SMOC1: variants seen among roughly 807,000 people sequenced by gnomAD.
The protein encoded by SMOC1 is SPARC-related modular calcium-binding protein 1.
A neutral mutation model predicts 56.3 loss-of-function variants in SMOC1; 22 were observed. The ratio of observed to expected loss-of-function variants is 0.39; its 90% CI spans 0.28 to 0.56. SMOC1 has a LOEUF of 0.56. SMOC1 is among the 20% of genes least tolerant of loss of function. SMOC1 has a pLI of 0.61. For missense variants in SMOC1, 509 were observed against 565.4 expected (o/e 0.90, Z 1.01); for synonymous variants, 193 against 215.0 (o/e 0.90, Z 0.89).
chr14:69,938,823 T>C (rs1263761473), intron 1 of SMOC1, among the ~76,000 whole-genome samples: 1 of 152,204 alleles, frequency 6.6e-6, no homozygotes, highest in African/African-American at 2.4e-5. Context: ...AGACTTCCAG[T>C]GCTATTGTTT....
At chr14:70,013,286 A>G in intron 9 of SMOC1, 100 bp from the exon 10 acceptor site, 1 of 1,064,740 alleles carries the variant, frequency 9.4e-7, no homozygotes, top group East Asian at 2.5e-5. Context: ...TTGGCTGGAC[A>G]AGAAGGGCTT....
intron 1 of SMOC1, among the ~76,000 whole-genome samples, chr14:69,893,928 A>G (rs1463955042): frequency 2.6e-5 from 4 of 152,202 alleles, no homozygotes; most frequent in African/African-American, 9.7e-5. Context: ...GAACACAGAG[A>G]AAAACTAGGG....
chr14:69,893,988 A>C (rs576537081), intron 1 of SMOC1, among the ~76,000 whole-genome samples: 1 of 152,222 alleles, frequency 6.6e-6, no homozygotes, highest in Non-Finnish European at 1.5e-5. Context: ...TCTTCAAGCT[A>C]AGGAGAGAAG....
intron 7 of SMOC1, among the ~76,000 whole-genome samples, chr14:69,998,161 T>A (rs1884838907): frequency 6.6e-6 from 1 of 152,224 alleles, no homozygotes; most frequent in Admixed American, 6.5e-5. Flanking sequence ...GGCTTTGTCA[T>A]GTGTTCACTA....
At chr14:69,992,060 C>T (rs1467179416) in intron 5 of SMOC1, among the ~76,000 whole-genome samples, 1 of 152,110 alleles carries the variant, frequency 6.6e-6, no homozygotes, top group Non-Finnish European at 1.5e-5. Flanking sequence ...GGCCATAACT[C>T]AGGGCTGAGG....
chr14:69,902,801 G>A (rs1007002500), intron 1 of SMOC1, among the ~76,000 whole-genome samples: 5 of 151,922 alleles, frequency 3.3e-5, no homozygotes, highest in Admixed American at 2.6e-4. Flanking sequence ...ATTTTTTTTG[G>A]TGGAGACGGG....
intron 1 of SMOC1, among the ~76,000 whole-genome samples, chr14:69,900,431 A>G (rs755667674): frequency 9.9e-5 from 15 of 152,224 alleles, no homozygotes; most frequent in Non-Finnish European, 1.8e-4. Context: ...TACAACAGGG[A>G]ACGAGATAGT....
chr14:69,940,631 C>T (rs1016632749), intron 1 of SMOC1, among the ~76,000 whole-genome samples: 22 of 152,146 alleles, frequency 1.4e-4, no homozygotes, highest in African/African-American at 4.3e-4. Context: ...GTCCTCTTTG[C>T]CTTTGCACCC....
At chr14:69,956,785 G>T (rs886860924) in intron 3 of SMOC1, among the ~76,000 whole-genome samples, 1 of 152,096 alleles carries the variant, frequency 6.6e-6, no homozygotes, top group Non-Finnish European at 1.5e-5. Flanking sequence ...GAGTGGTTCA[G>T]CTTTCTTCTA....
chr14:69,908,231 T>C (rs1884462853), intron 1 of SMOC1, among the ~76,000 whole-genome samples: 1 of 152,214 alleles, frequency 6.6e-6, no homozygotes, highest in South Asian at 2.1e-4. Context: ...CACCAAAACG[T>C]TGATCTGGGT....
intron 3 of SMOC1, among the ~76,000 whole-genome samples, chr14:69,973,523 A>G (rs1883850147): frequency 6.6e-6 from 1 of 152,140 alleles, no homozygotes; most frequent in Admixed American, 6.5e-5. Flanking sequence ...TTGGATGAAC[A>G]TTTGGGGTAG....
chr14:69,947,193 T>C (rs1882817398), intron 1 of SMOC1, among the ~76,000 whole-genome samples: 1 of 151,658 alleles, frequency 6.6e-6, no homozygotes, highest in African/African-American at 2.4e-5. Context: ...TTTCTTTCCT[T>C]TCATTCTTAT....
intron 1 of SMOC1, among the ~76,000 whole-genome samples, chr14:69,897,750 A>G (rs1291200202): frequency 1.3e-5 from 2 of 152,182 alleles, no homozygotes; most frequent in Non-Finnish European, 2.9e-5. Context: ...TTTAACTTAT[A>G]TGTAAGCTAT....
In SMOC1 at chr14:70,031,636, G is replaced by A. The variant is rs3742912; in HGVS notation, c.*1378G>A. On this transcript the variant is annotated 3_prime_UTR_variant, in exon 12 of 12. Coordinates refer to ENST00000361956, the MANE Select transcript of SMOC1 (RefSeq NM_001034852.3). ...CCAGCTACAGGGAAATCCCGGCCCA[G>A]CTTTCCACAGGCATCACAGGCATCT... 0.2 allele frequency: 30,287 copies of A among 152,242 alleles called. 3,802 individuals are homozygous for A. Among genetic ancestry groups the A allele is most frequent in the East Asian group, 0.41 (2,099 of 5,156 alleles). 9.4% of individuals were successfully genotyped at this position (152,242 alleles called of 1,614,324 possible).
intron 11 of SMOC1, among the ~76,000 whole-genome samples, chr14:70,028,225 T>G (rs1886002587): frequency 6.6e-6 from 1 of 152,182 alleles, no homozygotes; most frequent in Admixed American, 6.5e-5. Context: ...TTCACTGGGA[T>G]CATTGTCACT....
chr14:69,905,970 G>A (rs1054029860), intron 1 of SMOC1, among the ~76,000 whole-genome samples: 1 of 152,226 alleles, frequency 6.6e-6, no homozygotes, highest in Admixed American at 6.5e-5. Flanking sequence ...TCACCAATGT[G>A]TAGATGGGAG....
intron 1 of SMOC1, among the ~76,000 whole-genome samples, chr14:69,929,499 T>C (rs1002508389): frequency 1.3e-5 from 2 of 152,186 alleles, no homozygotes; most frequent in Non-Finnish European, 2.9e-5. Context: ...CTGGTCTGTC[T>C]GATTCTAAAC....
At chr14:70,029,153 T>C (rs748122856) in intron 11 of SMOC1, among the ~76,000 whole-genome samples, 1 of 152,158 alleles carries the variant, frequency 6.6e-6, no homozygotes, top group South Asian at 2.1e-4. Context: ...CAGCTCTTGA[T>C]GTGCTTGCCC....
chr14:69,916,919 A>T (rs1884701218), intron 1 of SMOC1, among the ~76,000 whole-genome samples: 1 of 152,240 alleles, frequency 6.6e-6, no homozygotes, highest in Non-Finnish European at 1.5e-5. Context: ...CCCAGTGCCT[A>T]GAACAGTGCC....
Sources: allele counts gnomAD v4.1 joint callset (sites outside exome capture counted in the v4.1 genomes callset), GRCh38; gene constraint gnomAD v4.1.1; transcripts MANE v1.5; gene names NCBI Gene and HGNC (gene_info 2026-07-23, HGNC 2026-07-21).